The following KDM2B variants were observed in gnomAD, a reference collection of about 807,000 sequenced individuals.
KDM2B encodes the protein lysine demethylase 2B.
Under a neutral mutation model 150.0 loss-of-function variants are expected in KDM2B, and 26 were observed. The ratio of observed to expected loss-of-function variants is 0.17; its 90% confidence interval spans 0.13 to 0.24. The LOEUF is 0.24. Among genes scored for constraint, KDM2B ranks in the 10% least tolerant of loss-of-function variants. The pLI, the probability that KDM2B is intolerant of heterozygous loss-of-function variation, is 1.00. For synonymous variants in KDM2B, 734 were observed against 729.5 expected (o/e 1.01, Z -0.10); for missense variants, 1,265 against 1,816.9 (o/e 0.70, Z 5.52).
At chr12:121,579,373 G>T (rs1594173513) in intron 1 of KDM2B, among the ~76,000 whole-genome samples, 1 of 152,190 alleles carries the variant, frequency 6.6e-6, no homozygotes, top group East Asian at 1.9e-4. Flanking sequence ...CAGCCCCAGC[G>T]GCCGCGGCGG....
intron 8 of KDM2B, among the ~76,000 whole-genome samples, chr12:121,525,877 C>A (rs1175622333): frequency 6.6e-6 from 1 of 152,150 alleles, no homozygotes; most frequent in East Asian, 1.9e-4. Flanking sequence ...AGTCACAGAT[C>A]CCTGGGTCTT....
At position 121,575,949 on chromosome 12, in the gene KDM2B, G is replaced by C; in HGVS notation, c.272-90C>G. The C allele has an allele frequency of 4.3e-6, 4 of 934,436 alleles. No individual in the cohort carries two copies. The highest frequency in any genetic ancestry group is 7.0e-6 in the Non-Finnish European group (4 of 567,822). 57.9% of individuals were successfully genotyped at this position (934,436 alleles called of 1,614,324 possible). On this transcript the variant is annotated intron_variant, in intron 2 of 22. Coordinates refer to ENST00000377071, the MANE Select transcript of KDM2B (RefSeq NM_032590.5). This position sits in a 1 kb window ranked among gnomAD's most constrained non-coding sequence, Gnocchi z 4.4. The stretch of plus-strand genomic sequence containing the variant: ...GTTGGTTAGGGGAAGAAAACTGATG[G>C]ACGAAGGGGCAGGGGGTCCAGGAGA...
At chr12:121,448,490 T>TC (rs1325604588) in intron 13 of KDM2B, among the ~76,000 whole-genome samples, 93 of 151,672 alleles carry the variant, frequency 6.1e-4, no homozygotes, top group African/African-American at 2.3e-3. Flanking sequence ...CATGAAGGGG[T>TC]CCCTGAGACC....
At chr12:121,444,943 T>TTATAGACATCTGACGCTG in intron 14 of KDM2B, 1 of 401,500 alleles carries the variant, frequency 2.5e-6, no homozygotes, top group South Asian at 3.0e-5. Flanking sequence ...GGCCTTGTTC[T>TTATAGACATCTGACGCTG]CCCAGAAGCC....
chr12:121,452,651 A>T lies in KDM2B; in HGVS notation c.1959+469T>A, dbSNP rs947069336. Among the ~76,000 whole-genome samples, 2 of 152,258 alleles carry T rather than the reference A, an allele frequency of 1.3e-5. No homozygotes were observed. Among genetic ancestry groups the T allele is most frequent in the African/African-American group, 4.8e-5 (2 of 41,470 alleles). ...GGGACGAGACCAGCGGCGCGGGGCCACTGCCGGAGCTGAGGCCAGGCGGTG... is the reference window on the plus strand; with the variant it reads ...GGGACGAGACCAGCGGCGCGGGGCCTCTGCCGGAGCTGAGGCCAGGCGGTG... On this transcript the variant is annotated intron_variant, in intron 13 of 22. Transcript: ENST00000377071. The surrounding 1 kb of genome is among the most constrained non-coding windows in gnomAD (Gnocchi z 4.4).
At chr12:121,441,390 C>A (rs184911044) in intron 19 of KDM2B, 157 bp from the exon 20 acceptor site, 1 of 632,076 alleles carries the variant, frequency 1.6e-6, no homozygotes, top group African/African-American at 1.8e-5. Context: ...TGCCCCCACG[C>A]GGGCACCTCC....
chr12:121,551,445 G>C (rs974452753), intron 4 of KDM2B, among the ~76,000 whole-genome samples: 1 of 150,776 alleles, frequency 6.6e-6, no homozygotes, highest in Non-Finnish European at 1.5e-5. Flanking sequence ...TCCCTGGCTC[G>C]AGGGATCCTC....
At chr12:121,441,344 C>A in intron 19 of KDM2B, 111 bp from the exon 20 acceptor site, 2 of 1,049,086 alleles carry the variant, frequency 1.9e-6, no homozygotes, top group African/African-American at 1.6e-5. Context: ...CTCCTTAACT[C>A]AGCGCTCTGG....
At position 121,580,889 on chromosome 12, in the gene KDM2B, C is replaced by T. The variant is rs1555317913; in HGVS notation, c.23G>A (p.Gly8Glu). The T allele has an allele frequency of 1.2e-6, 2 of 1,613,448 alleles. No individual in the cohort carries two copies. The highest frequency in any genetic ancestry group is 2.2e-5 in the East Asian group (1 of 44,852). The change falls in exon 1 of 23, where the codon GGA becomes GAA. Residue 8 changes from glycine (G) to glutamate (E), a missense_variant. Physicochemically the swap from Gly to Glu is moderately conservative, Grantham distance 98 (BLOSUM62 -2). Transcript: ENST00000377071. Reference protein sequence around the residue: MAGPQMGGSAEDHPPRKR... With the variant: MAGPQMGESAEDHPPRKR... ...TCGTGGGGGGTGATCCTCTGCAGAT[C>T]CCCCCATTTGCGGACCCGCCATGTG...
chr12:121,511,281 ATTTTT>A (rs35590443), intron 10 of KDM2B, among the ~76,000 whole-genome samples: 3 of 110,462 alleles, frequency 2.7e-5, no homozygotes, highest in Non-Finnish European at 5.4e-5. Flanking sequence ...AATGCTAGGA[ATTTTT>A]TTTTTTTTTT....
chr12:121,507,750 C>A (rs1885219627), intron 11 of KDM2B, among the ~76,000 whole-genome samples: 1 of 152,150 alleles, frequency 6.6e-6, no homozygotes, highest in Non-Finnish European at 1.5e-5. Context: ...GTGGCTCATG[C>A]CTGTAATCCC....
chr12:121,510,045 G>A lies in KDM2B; in HGVS notation c.1175-6C>T, dbSNP rs1555303691. 6.5e-7 allele frequency: 1 copy of A among 1,533,956 alleles called. No individual in the cohort carries two copies. Among genetic ancestry groups the A allele is most frequent in the African/African-American group, 1.4e-5 (1 of 72,404 alleles). ...GCTGGGCTTCCTCGGGGCATCTGTGGGGGCAGGGTCACAAGAAAGACCGAG... is the reference window on the plus strand; with the variant it reads ...GCTGGGCTTCCTCGGGGCATCTGTGAGGGCAGGGTCACAAGAAAGACCGAG... On this transcript the variant is annotated splice_polypyrimidine_tract_variant and splice_region_variant and intron_variant, in intron 10 of 22. Coordinates refer to ENST00000377071, the MANE Select transcript of KDM2B (RefSeq NM_032590.5).
chr12:121,417,690 C>T, the KDM2B span: 92 of 1,613,984 alleles, frequency 5.7e-5, no homozygotes, highest in African/African-American at 9.3e-5. The surrounding 1 kb of genome is among the most constrained non-coding windows in gnomAD (Gnocchi z 5.0). Flanking sequence ...AGATACTTGT[C>T]GTGAGAAAGA....
chr12:121,440,227 A>G (rs1874744570), intron 21 of KDM2B, 152 bp from the exon 22 acceptor site: 1 of 619,834 alleles, frequency 1.6e-6, no homozygotes, highest in Non-Finnish European at 2.8e-6. Context: ...TAATTCCAAC[A>G]GTGAAAAATC....
At chr12:121,466,799 G>A (rs1392238093) in intron 12 of KDM2B, among the ~76,000 whole-genome samples, 8 of 146,226 alleles carry the variant, frequency 5.5e-5, no homozygotes, top group African/African-American at 1.7e-4. Context: ...CGCGGGCGAG[G>A]GCGCCGGGGG....
intron 6 of KDM2B, among the ~76,000 whole-genome samples, chr12:121,546,868 AT>A (rs1187398922): frequency 3.3e-5 from 5 of 150,396 alleles, no homozygotes; most frequent in Non-Finnish European, 5.9e-5. Context: ...TGGCTAATTT[AT>A]TTTTTTAGTA....
chr12:121,455,043 G>A (rs1452048344), intron 12 of KDM2B, among the ~76,000 whole-genome samples: 2 of 152,044 alleles, frequency 1.3e-5, no homozygotes, highest in African/African-American at 2.4e-5. Context: ...TAGAAAGCCC[G>A]CAGCCTCACG....
At chr12:121,423,692 GACT>G in the KDM2B span, 1 of 885,208 alleles carries the variant, frequency 1.1e-6, no homozygotes, top group South Asian at 1.7e-5. The surrounding 1 kb of genome is among the most constrained non-coding windows in gnomAD (Gnocchi z 4.3). Context: ...ACATTATTTT[GACT>G]ACTAAGTGGG....
chr12:121,548,822 C>T (rs1555311214), intron 6 of KDM2B, 55 bp downstream of exon 6: 2 of 1,411,424 alleles, frequency 1.4e-6, no homozygotes, highest in Non-Finnish European at 2.0e-6. Flanking sequence ...CTCCCCACCT[C>T]CCCAAGCCTG....
Sources: allele counts gnomAD v4.1 joint callset (sites outside exome capture counted in the v4.1 genomes callset), GRCh38; gene constraint gnomAD v4.1.1; non-coding constraint Gnocchi (gnomAD v3.1); transcripts MANE v1.5; gene names NCBI Gene and HGNC (gene_info 2026-07-23, HGNC 2026-07-21).